ZFHX3: variants seen among roughly 807,000 people sequenced by gnomAD.
ZFHX3 encodes zinc finger homeobox protein 3.
ZFHX3 carries 42 observed loss-of-function variants against 279.1 expected under a neutral mutation model. The observed-to-expected ratio is 0.15, with a 90% CI of 0.12 to 0.19. ZFHX3 has a LOEUF of 0.19. ZFHX3 is among the 10% of genes least tolerant of loss of function. The pLI, the probability that ZFHX3 is intolerant of heterozygous loss-of-function variation, is 1.00. For missense variants in ZFHX3, 4,981 were observed against 4,754.0 expected, an observed-to-expected ratio of 1.05 and a Z score of -1.40; for synonymous variants, 2,293 against 1,957.8, an observed-to-expected ratio of 1.17 and a Z score of -4.52.
chr16:73,793,646 T>C (rs1959900432), intron 1 of ZFHX3, among the ~76,000 whole-genome samples: 1 of 152,230 alleles, frequency 6.6e-6, no homozygotes, highest in East Asian at 1.9e-4. Context: ...TCAAGTGGCT[T>C]TCTTTAAAAA....
intron 5 of ZFHX3, among the ~76,000 whole-genome samples, chr16:72,813,476 T>G (rs1213906148): frequency 6.6e-6 from 1 of 152,212 alleles, no homozygotes; most frequent in Admixed American, 6.5e-5. Context: ...GAAAAGAAAT[T>G]TGCCAAATGC....
At chr16:73,664,365 A>C (rs2052814617) in intron 2 of ZFHX3, among the ~76,000 whole-genome samples, 1 of 152,208 alleles carries the variant, frequency 6.6e-6, no homozygotes, top group Non-Finnish European at 1.5e-5. Context: ...TCTAATACAA[A>C]AATCGAAGAT....
intron 1 of ZFHX3, among the ~76,000 whole-genome samples, chr16:72,975,455 A>C (rs1290946479): frequency 6.6e-6 from 1 of 152,060 alleles, no homozygotes; most frequent in Non-Finnish European, 1.5e-5. Context: ...AAAATAAAAT[A>C]CAATACAATC....
At chr16:73,264,926 T>C (rs868140179) in intron 4 of ZFHX3, among the ~76,000 whole-genome samples, 9 of 151,900 alleles carry the variant, frequency 5.9e-5, no homozygotes, top group Non-Finnish European at 1.3e-4. Context: ...TTTTTATGGC[T>C]GAGTAGTATT....
chr16:73,765,215 C>T (rs995688470), intron 1 of ZFHX3, among the ~76,000 whole-genome samples: 7 of 152,000 alleles, frequency 4.6e-5, no homozygotes, highest in African/African-American at 4.8e-5. Flanking sequence ...CCCAAGCAAC[C>T]GAAGTCACTA....
chr16:72,812,215 T>A (rs1400114912), intron 5 of ZFHX3, among the ~76,000 whole-genome samples, 177 bp from the exon 6 acceptor site: 1 of 152,190 alleles, frequency 6.6e-6, no homozygotes, highest in Non-Finnish European at 1.5e-5. Flanking sequence ...GAAGCAAGTG[T>A]TTCTTTCTCC....
At chr16:73,347,470 C>T (rs535592395) in intron 3 of ZFHX3, among the ~76,000 whole-genome samples, 1 of 152,224 alleles carries the variant, frequency 6.6e-6, no homozygotes, top group African/African-American at 2.4e-5. Flanking sequence ...TCACCCATAA[C>T]CTCCTTGCCC....
intron 5 of ZFHX3, among the ~76,000 whole-genome samples, chr16:73,174,177 G>C (rs1471919544): frequency 6.6e-6 from 1 of 151,948 alleles, no homozygotes; most frequent in Non-Finnish European, 1.5e-5. Flanking sequence ...TCTGCATGGA[G>C]ACCTTCCTGG....
At chr16:73,429,370 T>C (rs144755837) in intron 3 of ZFHX3, among the ~76,000 whole-genome samples, 18 of 152,316 alleles carry the variant, frequency 1.2e-4, no homozygotes, top group African/African-American at 4.1e-4. Context: ...TCTCACTTTG[T>C]TGCCCAGGCT....
At chr16:73,336,073 A>C (rs926821879) in intron 3 of ZFHX3, among the ~76,000 whole-genome samples, 2 of 152,266 alleles carry the variant, frequency 1.3e-5, no homozygotes, top group East Asian at 1.9e-4. Flanking sequence ...CTCCACACCC[A>C]GGCTCCCATT....
intron 4 of ZFHX3, among the ~76,000 whole-genome samples, chr16:73,309,210 T>C (rs1250731264): frequency 6.6e-6 from 1 of 152,198 alleles, no homozygotes; most frequent in Non-Finnish European, 1.5e-5. Context: ...AGTTGTTTTT[T>C]TGGATCCTCT....
chr16:73,539,715 C>G (rs1321219555), intron 2 of ZFHX3, among the ~76,000 whole-genome samples: 4 of 152,128 alleles, frequency 2.6e-5, no homozygotes, highest in African/African-American at 9.7e-5. Context: ...TCTTCCACCG[C>G]CTGCCCGTGT....
chr16:73,668,804 A>G (rs938621285), intron 2 of ZFHX3, among the ~76,000 whole-genome samples: 2 of 152,202 alleles, frequency 1.3e-5, no homozygotes, highest in African/African-American at 4.8e-5. Context: ...CAACAAACAT[A>G]TGAAGAAAAG....
intron 5 of ZFHX3, among the ~76,000 whole-genome samples, chr16:73,220,138 C>T (rs1260484445): frequency 1.3e-5 from 2 of 151,592 alleles, no homozygotes; most frequent in African/African-American, 4.8e-5. Context: ...TACGTTTGGG[C>T]ATTGGGTATA....
chr16:73,060,888 A>G (rs913319051), upstream of ZFHX3: 3 of 152,204 alleles, frequency 2.0e-5, no homozygotes, highest in Non-Finnish European at 4.4e-5. Flanking sequence ...TCATTTTGAG[A>G]GATTTTCCAA....
intron 3 of ZFHX3, among the ~76,000 whole-genome samples, chr16:72,933,871 T>C (rs547829657): frequency 9.7e-4 from 143 of 147,444 alleles, no homozygotes; most frequent in Non-Finnish European, 1.8e-3. Flanking sequence ...CAGGCTGTAG[T>C]GCAGTGTCGC....
At chr16:73,225,097 AT>A (rs1469725832) in intron 5 of ZFHX3, among the ~76,000 whole-genome samples, 1 of 152,174 alleles carries the variant, frequency 6.6e-6, no homozygotes, top group Non-Finnish European at 1.5e-5. Flanking sequence ...CTGGCTATAT[AT>A]TTTTATATAT....
chr16:72,964,231 A>G (rs1961721046), intron 1 of ZFHX3, among the ~76,000 whole-genome samples: 1 of 152,262 alleles, frequency 6.6e-6, no homozygotes, highest in South Asian at 2.1e-4. Context: ...AAAGAACCCA[A>G]GCAATGCATG....
intron 1 of ZFHX3, among the ~76,000 whole-genome samples, chr16:73,741,668 A>G (rs1007481684): frequency 3.9e-5 from 6 of 152,336 alleles, no homozygotes; most frequent in Non-Finnish European, 7.3e-5. Flanking sequence ...ACAAAATGCC[A>G]TCATTTCCAG....
Sources: allele counts gnomAD v4.1 joint callset (sites outside exome capture counted in the v4.1 genomes callset), GRCh38; gene constraint gnomAD v4.1.1; transcripts MANE v1.5; gene names NCBI Gene and HGNC (gene_info 2026-07-23, HGNC 2026-07-21).